Variants in DDX46 observed in about 807,000 individuals in gnomAD.
The protein encoded by DDX46 is DEAD-box helicase 46, also known as probable ATP-dependent RNA helicase DDX46.
Under a neutral mutation model 134.9 loss-of-function variants are expected in DDX46, and 30 were observed. The observed-to-expected ratio is 0.22, with a 90% CI of 0.17 to 0.30. The LOEUF is 0.30. Among genes scored for constraint, DDX46 ranks in the 10% least tolerant of loss-of-function variants. The pLI, the probability that DDX46 is intolerant of heterozygous loss-of-function variation, is 1.00. For synonymous variants in DDX46, 415 were observed against 404.1 expected (o/e 1.03, Z -0.32); for missense variants, 622 against 1,248.7 (o/e 0.50, Z 7.56).
At chr5:134,823,247 G>A (rs867987234) in intron 21 of DDX46, among the ~76,000 whole-genome samples, 3 of 139,852 alleles carry the variant, frequency 2.1e-5, no homozygotes, top group African/African-American at 2.7e-5. Context: ...TAAAACCTCT[G>A]CCTCCTGGCA....
intron 15 of DDX46, among the ~76,000 whole-genome samples, chr5:134,801,332 T>C (rs914247956): frequency 1.3e-5 from 2 of 151,910 alleles, no homozygotes; most frequent in African/African-American, 4.8e-5. Context: ...TGCAGTTGGC[T>C]TTTTTTTACT....
At chr5:134,792,807 A>C (rs1754542478) in intron 13 of DDX46, among the ~76,000 whole-genome samples, 2 of 152,196 alleles carry the variant, frequency 1.3e-5, no homozygotes, top group African/African-American at 4.8e-5. Flanking sequence ...GCGTATGTAC[A>C]TGTGTATAAG....
chr5:134,788,444 A>G, intron 11 of DDX46, 69 bp from the exon 12 acceptor site: 4 of 1,317,404 alleles, frequency 3.0e-6, no homozygotes, highest in Non-Finnish European at 3.3e-6. Flanking sequence ...GGCAAGAACT[A>G]AATGCAGTAT....
intron 4 of DDX46, among the ~76,000 whole-genome samples, chr5:134,772,779 T>G (rs1236263094): frequency 1.3e-5 from 2 of 152,188 alleles, no homozygotes; most frequent in African/African-American, 4.8e-5. Context: ...GCACTGGAAT[T>G]ACAAGCATGA....
chr5:134,791,816 A>C (rs1302802767), intron 13 of DDX46, among the ~76,000 whole-genome samples: 2 of 152,194 alleles, frequency 1.3e-5, no homozygotes, highest in Non-Finnish European at 2.9e-5. Context: ...AATGAGATGT[A>C]AATAGAGGAA....
chr5:134,811,488 G>A (rs1755140634), intron 17 of DDX46, 130 bp downstream of exon 17: 1 of 1,283,614 alleles, frequency 7.8e-7, no homozygotes, highest in Non-Finnish European at 1.1e-6. Context: ...CTCTCTAGAG[G>A]GAAAAATGAG....
intron 12 of DDX46, chr5:134,790,055 A>G (rs1271477517): frequency 1.3e-5 from 6 of 457,824 alleles, no homozygotes; most frequent in Non-Finnish European, 2.2e-5. Context: ...AGTTAGCACT[A>G]GAACTTGCTT....
chr5:134,807,053 C>CTT (rs766339943), intron 15 of DDX46, among the ~76,000 whole-genome samples: 14 of 140,124 alleles, frequency 1.0e-4, no homozygotes, highest in African/African-American at 2.9e-4. Context: ...TCTGCATTTC[C>CTT]TTTTTTTTTT....
chr5:134,786,405 A>AT (rs149195469), intron 11 of DDX46, among the ~76,000 whole-genome samples: 18 of 150,426 alleles, frequency 1.2e-4, no homozygotes, highest in South Asian at 8.4e-4. Context: ...GAGAAAGCAG[A>AT]TTTTTTTTTT....
chr5:134,811,464 G>C, intron 17 of DDX46, 106 bp downstream of exon 17: 5 of 1,425,962 alleles, frequency 3.5e-6, no homozygotes, highest in Non-Finnish European at 4.7e-6. Flanking sequence ...ATTTTGCTAC[G>C]ACTATTTTTA....
rs752957140 is a variant in DDX46, at chr5:134,773,771, C to T, written c.523C>T (p.Arg175Cys). ...ERVEKWREEQ[R>C]KKAMENIGEL... ...AGTAGAAAAATGGCGAGAAGAGCAA[C>T]GTAAAAAGGCTATGGAAAACATAGG... Residue 175 changes from arginine (R) to cysteine (C), a missense_variant, in exon 5 of 23, where the codon CGT becomes TGT. Arg to Cys is a radical substitution (Grantham distance 180, BLOSUM62 -3). This residue lies in a region of DDX46 where 244 missense variants were observed against 349.3 expected (regional missense o/e 0.70). Transcript: ENST00000452510. 3 of 1,608,956 alleles carry T rather than the reference C, an allele frequency of 1.9e-6. No individual in the cohort carries two copies. Among genetic ancestry groups the T allele is most frequent in the East Asian group, 2.2e-5 (1 of 44,698 alleles).
intron 15 of DDX46, among the ~76,000 whole-genome samples, chr5:134,807,184 T>G (rs950816724): frequency 1.3e-5 from 2 of 150,930 alleles, no homozygotes; most frequent in African/African-American, 4.9e-5. Context: ...GCTTTTTTTT[T>G]TTTTTTTTTG....
intron 15 of DDX46, among the ~76,000 whole-genome samples, chr5:134,802,676 C>T (rs1342833960): frequency 6.6e-6 from 1 of 152,024 alleles, no homozygotes; most frequent in African/African-American, 2.4e-5. Flanking sequence ...AAGTCTTGAT[C>T]ATAATTATTA....
chr5:134,764,823 C>T (rs1327495734), intron 2 of DDX46, among the ~76,000 whole-genome samples: 3 of 151,092 alleles, frequency 2.0e-5, no homozygotes, highest in East Asian at 3.9e-4. Flanking sequence ...CCCTCCTTCC[C>T]TCCCTCCCTT....
chr5:134,800,638 C>T (rs1754798034), intron 15 of DDX46, among the ~76,000 whole-genome samples: 1 of 152,074 alleles, frequency 6.6e-6, no homozygotes, highest in Admixed American at 6.6e-5. Flanking sequence ...TTTCCCTATC[C>T]ATAACCGCTG....
chr5:134,788,025 C>CAA (rs576416864), intron 11 of DDX46, among the ~76,000 whole-genome samples: 20 of 53,254 alleles, frequency 3.8e-4, no homozygotes, highest in Admixed American at 6.2e-4. Context: ...GACCCTGTCT[C>CAA]AAAAAAAAAA....
chr5:134,769,439 T>C (rs946369722), intron 3 of DDX46, among the ~76,000 whole-genome samples: 2 of 150,558 alleles, frequency 1.3e-5, no homozygotes, highest in African/African-American at 4.9e-5. Flanking sequence ...CAGGCTATTC[T>C]CCTGCCTCAG....
At chr5:134,797,238 TTAAC>T (rs1754693894) in intron 15 of DDX46, 2 of 242,822 alleles carry the variant, frequency 8.2e-6, no homozygotes, top group Non-Finnish European at 1.6e-5. Context: ...ATTATTCTCA[TTAAC>T]TAAGTGTTCT....
intron 15 of DDX46, among the ~76,000 whole-genome samples, chr5:134,797,993 G>A (rs1468499453): frequency 1.3e-5 from 2 of 151,580 alleles, no homozygotes; most frequent in African/African-American, 4.9e-5. Context: ...TGTATTTTTA[G>A]TAGAGACGGA....
Sources: gnomAD v4.1 joint callset for allele counts (sites outside exome capture counted in the v4.1 genomes callset) on GRCh38, gnomAD v4.1.1 for gene constraint, gnomAD v4.1.1 regional missense constraint, MANE v1.5 for transcripts, NCBI Gene and HGNC (gene_info 2026-07-23, HGNC 2026-07-21) for gene names.